The following MCFD2 variants were observed in gnomAD, a reference collection of about 807,000 sequenced individuals.
MCFD2 encodes the protein multiple coagulation factor deficiency protein 2.
In MCFD2, 11 loss-of-function variants were observed where a neutral mutation model predicts 12.8. The ratio of observed to expected loss-of-function variants is 0.86; its 90% CI spans 0.54 to 1.42. The LOEUF (loss-of-function observed/expected upper bound fraction) is 1.42, where lower values mean the gene tolerates loss of function less well. MCFD2 is among the 40% of genes most tolerant of loss of function. The pLI, the probability that MCFD2 is intolerant of heterozygous loss-of-function variation, is 0.00. For synonymous variants in MCFD2, 70 were observed against 68.1 expected, an observed-to-expected ratio of 1.03 and a Z score of -0.14; for missense variants, 191 against 178.6, an observed-to-expected ratio of 1.07 and a Z score of -0.40.
In MCFD2 at chr2:46,930,153, A is replaced by T. The variant is rs370115690; in HGVS notation, c.-8+11419T>A. On this transcript the variant is annotated intron_variant, in intron 1 of 2. Transcript: ENST00000409147. ...ACTTGAATACAATAAGATAAATGAA[A>T]TAATAAAGATAACAAAATTAATGCA... Among the ~76,000 whole-genome samples the T allele has an allele frequency of 2.0e-5, 3 of 152,352 alleles. No homozygotes were observed. The East Asian group carries it at 5.8e-4, about 29-fold the overall frequency.
Position 46,940,375 on chromosome 2 carries a change from T to C in MCFD2, c.-8+1197A>G, listed in dbSNP as rs1670225992. ...GGTCTTGCTGTGGCTTCTCCAGCAC[T>C]GGTCTGTGAGCTGCGGCGGCAGCGG... On this transcript the variant is annotated intron_variant, in intron 1 of 2. Transcript: ENST00000409147. The surrounding 1 kb of genome is among the most constrained non-coding windows in gnomAD (Gnocchi z 4.7). Among the ~76,000 whole-genome samples, 1 of 152,122 alleles carries C rather than the reference T, an allele frequency of 6.6e-6. No homozygotes were observed. Among genetic ancestry groups the C allele is most frequent in the South Asian group, 2.1e-4 (1 of 4,830 alleles).
chr2:46,912,144 T>C (rs1022892100), intron 1 of MCFD2, among the ~76,000 whole-genome samples: 1 of 151,886 alleles, frequency 6.6e-6, no homozygotes, highest in Admixed American at 6.6e-5. Context: ...GAGACCAGCC[T>C]GGCCAATGTG....
At chr2:46,914,318 T>G (rs1668606687) in intron 1 of MCFD2, among the ~76,000 whole-genome samples, 1 of 152,130 alleles carries the variant, frequency 6.6e-6, no homozygotes, top group South Asian at 2.1e-4. Flanking sequence ...GGCCCTTGGT[T>G]AAGAATTCAA....
At chr2:46,909,889 G>C (rs962809655) in intron 1 of MCFD2, among the ~76,000 whole-genome samples, 3 of 152,172 alleles carry the variant, frequency 2.0e-5, no homozygotes, top group Non-Finnish European at 4.4e-5. Flanking sequence ...ATGAATGGGA[G>C]GTGAGATCAG....
At chr2:46,933,314 A>G (rs1669809277) in intron 1 of MCFD2, among the ~76,000 whole-genome samples, 1 of 152,222 alleles carries the variant, frequency 6.6e-6, no homozygotes, top group Non-Finnish European at 1.5e-5. Flanking sequence ...TGGGGATAAA[A>G]AACACCCCAA....
At position 46,934,181 on chromosome 2, in the gene MCFD2, C is replaced by T. The variant is rs139213568; in HGVS notation, c.-8+7391G>A. ...CATGGCTTTACTATTGCAGGAAACT[C>T]TTACCCAGGATGATAAAAGTTGTAA... On this transcript the variant is annotated intron_variant, in intron 1 of 2. Coordinates refer to the MCFD2 transcript ENST00000409147. Among the ~76,000 whole-genome samples, 1,108 of 152,322 alleles carry T rather than the reference C, an allele frequency of 7.3e-3. 6 individuals carry two copies. The highest frequency in any genetic ancestry group is 0.012 in the Non-Finnish European group (794 of 68,032).
At chr2:46,928,498 G>T (rs1451328711) in intron 1 of MCFD2, among the ~76,000 whole-genome samples, 2 of 150,094 alleles carry the variant, frequency 1.3e-5, no homozygotes, top group African/African-American at 4.9e-5. Flanking sequence ...TGGGCCATGT[G>T]TGGTGGCTCA....
chr2:46,932,579 A>G (rs1669763220), intron 1 of MCFD2, among the ~76,000 whole-genome samples: 1 of 152,030 alleles, frequency 6.6e-6, no homozygotes. Flanking sequence ...AAAGAGGAAG[A>G]AAAGAAAGAG....
rs141799723 is a variant in MCFD2 at position 46,907,372 on chromosome 2, C to CT, written c.309+437dup. 6,178 of 196,232 alleles carry CT rather than the reference C, an allele frequency of 0.031. 112 individuals carry two copies. Among genetic ancestry groups the CT allele is most frequent in the Non-Finnish European group, 0.043 (4,053 of 94,448 alleles). The allele number at this position is 196,232 out of a possible 1,614,324, so 12.2% of individuals were successfully genotyped here. On this transcript the variant is annotated intron_variant, in intron 3 of 3. Transcript: ENST00000319466. This position sits in a 1 kb window ranked among gnomAD's most constrained non-coding sequence, Gnocchi z 4.1. The stretch of plus-strand genomic sequence containing the variant: ...ACAGAAGAGAAAGAAGCAGCAGCAC[C>CT]TTTTTTTTTCTTTTCTTTTTTTCTC...
Position 46,905,272 on chromosome 2 carries a change from C to G in MCFD2, c.*191G>C. On this transcript the variant is annotated 3_prime_UTR_variant, in exon 4 of 4. Transcript: ENST00000319466. ...TAAGGTATTTAATAGCACTTAGGGA[C>G]TATTAGATGTCCCATTTCTCTTCTC... 1.5e-6 allele frequency: 1 copy of G among 648,808 alleles called. No homozygotes were observed. Among genetic ancestry groups the G allele is most frequent in the Non-Finnish European group, 2.8e-6 (1 of 358,884 alleles). 40.2% of individuals were successfully genotyped at this position (648,808 alleles called of 1,614,324 possible).
upstream of MCFD2, among the ~76,000 whole-genome samples, chr2:46,916,810 T>C (rs1252980396): frequency 6.6e-6 from 1 of 152,114 alleles, no homozygotes; most frequent in African/African-American, 2.4e-5. Context: ...AATTTTTGTA[T>C]TTTTAGTAGA....
At chr2:46,916,138 T>C (rs1668777354), upstream of MCFD2, 2 of 985,490 alleles carry the variant, frequency 2.0e-6, no homozygotes, top group Non-Finnish European at 2.4e-6. Context: ...CAAAGCTGGC[T>C]CCCAACTCCG....
chr2:46,941,424 C>T lies in MCFD2; in HGVS notation c.-8+148G>A. The T allele has an allele frequency of 1.8e-6, 2 of 1,117,302 alleles. No homozygotes were observed. The highest frequency in any genetic ancestry group is 3.5e-4 in the Middle Eastern group (1 of 2,896). 69.2% of individuals were successfully genotyped at this position (1,117,302 alleles called of 1,614,324 possible). On this transcript the variant is annotated intron_variant, in intron 1 of 2. Coordinates refer to the MCFD2 transcript ENST00000409147. This position sits in a 1 kb window ranked among gnomAD's most constrained non-coding sequence, Gnocchi z 4.2. Reference sequence around the variant, plus strand: ...CCCGGGCCCCCGCTGCCGCCCGGGCCCCGGCTGCCGTCTGCGCCCCCGTCG... The same window carrying T: ...CCCGGGCCCCCGCTGCCGCCCGGGCTCCGGCTGCCGTCTGCGCCCCCGTCG...
At position 46,904,548 on chromosome 2, in the gene MCFD2, C is replaced by G. The variant is rs186261378; in HGVS notation, c.*915G>C. The stretch of plus-strand genomic sequence containing the variant: ...AGACCTGGAGTCAAAGGAGATTATT[C>G]TGGAACTTTAAAATTTGACAGCCCT... On this transcript the variant is annotated 3_prime_UTR_variant, in exon 4 of 4. Coordinates refer to ENST00000319466, the MANE Select transcript of MCFD2 (RefSeq NM_139279.6). The G allele has an allele frequency of 1.1e-4, 16 of 152,362 alleles. No homozygotes were observed. The allele number at this position is 152,362 out of a possible 1,614,324, so 9.4% of individuals were successfully genotyped here. A position where few individuals can be genotyped will look rare whatever the true frequency, so the allele number is the denominator to read the frequency against.
At position 46,902,401 on chromosome 2, in the gene MCFD2, C is replaced by G. The variant is rs536185717; in HGVS notation, c.*3062G>C. 3.9e-5 allele frequency: 6 copies of G among 152,724 alleles called. No individual in the cohort carries two copies. In the East Asian group the frequency reaches 1.2e-3, roughly 29 times the overall value. The allele number at this position is 152,724 out of a possible 1,614,324, so 9.5% of individuals were successfully genotyped here. ...GTAGTTTTACCCCTGCTGATAAAGT[C>G]CTGACATTCCTAATAGTTCCTAAAC... On this transcript the variant is annotated 3_prime_UTR_variant, in exon 4 of 4. Coordinates refer to ENST00000319466, the MANE Select transcript of MCFD2 (RefSeq NM_139279.6).
In MCFD2 at chr2:46,937,918, T is replaced by C. The variant is rs1670061929; in HGVS notation, c.-8+3654A>G. Among the ~76,000 whole-genome samples the C allele has an allele frequency of 6.6e-6, 1 of 152,142 alleles. No individual in the cohort carries two copies. Reference sequence around the variant, plus strand: ...CAGCAGGTCATGGACTGAAGAAAACTACTGTGTATATATATGTAAAAGAGA... The same window carrying C: ...CAGCAGGTCATGGACTGAAGAAAACCACTGTGTATATATATGTAAAAGAGA... On this transcript the variant is annotated intron_variant, in intron 1 of 2. Transcript: ENST00000409147. The surrounding 1 kb of genome is among the most constrained non-coding windows in gnomAD (Gnocchi z 4.0).
Position 46,907,718 on chromosome 2 carries a change from A to G in MCFD2, c.309+92T>C. ...AGTGGAGAAGCAGCACTCTTGGCAC[A>G]TAAGGACAACACAAGTCAACAAGAC... On this transcript the variant is annotated intron_variant, in intron 3 of 3. Coordinates refer to ENST00000319466, the MANE Select transcript of MCFD2 (RefSeq NM_139279.6). The surrounding 1 kb of genome is among the most constrained non-coding windows in gnomAD (Gnocchi z 4.1). The G allele has an allele frequency of 7.2e-7, 1 of 1,387,338 alleles. No individual in the cohort carries two copies. The highest frequency in any genetic ancestry group is 2.3e-5 in the East Asian group (1 of 43,802). The allele number at this position is 1,387,338 out of a possible 1,614,324, so 85.9% of individuals were successfully genotyped here.
chr2:46,908,549 C>G lies in MCFD2; in HGVS notation c.149+474G>C. On this transcript the variant is annotated intron_variant, in intron 2 of 3. Transcript: ENST00000319466. This position sits in a 1 kb window ranked among gnomAD's most constrained non-coding sequence, Gnocchi z 4.5. ...AAAGCACTGGGATTACAGGTGTGAGCCACTGCACCCAGCCTTAAAAACAAA... is the reference window on the plus strand; with the variant it reads ...AAAGCACTGGGATTACAGGTGTGAGGCACTGCACCCAGCCTTAAAAACAAA... 3.7e-6 allele frequency: 1 copy of G among 273,940 alleles called. No homozygotes were observed. Among genetic ancestry groups the G allele is most frequent in the Non-Finnish European group, 7.1e-6 (1 of 141,384 alleles). 17.0% of individuals were successfully genotyped at this position (273,940 alleles called of 1,614,324 possible).
rs1670281813 is a variant in MCFD2 at position 46,940,981 on chromosome 2, C to A, written c.-8+591G>T. On this transcript the variant is annotated intron_variant, in intron 1 of 2. Coordinates refer to the MCFD2 transcript ENST00000409147. This position sits in a 1 kb window ranked among gnomAD's most constrained non-coding sequence, Gnocchi z 4.7. ...GATGGGATGGGGAGGGGGCGGGAAG[C>A]GAGGCGCCCCCGGGCGCCGGGGCTC... is the stretch of plus-strand genomic sequence containing the variant. Among the ~76,000 whole-genome samples the A allele has an allele frequency of 1.3e-5, 2 of 151,704 alleles. No homozygotes were observed. Among genetic ancestry groups the A allele is most frequent in the South Asian group, 4.1e-4 (2 of 4,822 alleles).
Sources: allele counts gnomAD v4.1 joint callset (sites outside exome capture counted in the v4.1 genomes callset), GRCh38; gene constraint gnomAD v4.1.1; non-coding constraint Gnocchi (gnomAD v3.1); transcripts MANE v1.5; gene names NCBI Gene and HGNC (gene_info 2026-07-23, HGNC 2026-07-21).